The following RBFOX1 variants were observed in gnomAD, a reference collection of about 807,000 sequenced individuals.
The protein encoded by RBFOX1 is RNA binding protein fox-1 homolog 1.
A neutral mutation model predicts 57.7 loss-of-function variants in RBFOX1; 8 were observed. The observed-to-expected ratio is 0.14, with a 90% CI of 0.08 to 0.25. The LOEUF is 0.25. Among genes scored for constraint, RBFOX1 ranks in the 10% least tolerant of loss-of-function variants. RBFOX1 has a pLI of 1.00. For synonymous variants in RBFOX1, 326 were observed against 222.4 expected, an observed-to-expected ratio of 1.47 and a Z score of -4.15; for missense variants, 611 against 548.5, an observed-to-expected ratio of 1.11 and a Z score of -1.14.
At chr16:6,152,043 T>G (rs183990415) in intron 1 of RBFOX1, among the ~76,000 whole-genome samples, 116 of 152,356 alleles carry the variant, frequency 7.6e-4, no homozygotes, top group African/African-American at 2.6e-3. Flanking sequence ...CACACTTGTT[T>G]AAATTTGTAA....
chr16:5,759,863 A>G (rs964817433), intron 3 of RBFOX1, among the ~76,000 whole-genome samples: 1 of 152,012 alleles, frequency 6.6e-6, no homozygotes, highest in South Asian at 2.1e-4. Flanking sequence ...CTTCTTGGAC[A>G]TCTTGATCAA....
At chr16:5,518,992 C>G (rs565160307) in intron 2 of RBFOX1, among the ~76,000 whole-genome samples, 53 of 152,230 alleles carry the variant, frequency 3.5e-4, no homozygotes, top group African/African-American at 1.2e-3. Context: ...TCCATCCTGA[C>G]TGCTGCTGTT....
intron 3 of RBFOX1, among the ~76,000 whole-genome samples, chr16:5,671,186 T>A: frequency 6.6e-6 from 1 of 152,234 alleles, no homozygotes; most frequent in East Asian, 1.9e-4. Flanking sequence ...TAACTTAAGC[T>A]AGGAGGTTTT....
chr16:5,735,229 C>T (rs186200957), intron 3 of RBFOX1, among the ~76,000 whole-genome samples: 7 of 152,272 alleles, frequency 4.6e-5, no homozygotes, highest in African/African-American at 7.2e-5. Flanking sequence ...AGGAAGGGGT[C>T]AGGACCCTCC....
intron 4 of RBFOX1, among the ~76,000 whole-genome samples, chr16:7,079,289 A>T: frequency 6.6e-6 from 1 of 152,062 alleles, no homozygotes; most frequent in Non-Finnish European, 1.5e-5. Flanking sequence ...TTGCAAACTG[A>T]GGGTTGGGCA....
chr16:7,009,422 C>T (rs1483458046), intron 3 of RBFOX1, among the ~76,000 whole-genome samples: 2 of 151,716 alleles, frequency 1.3e-5, no homozygotes, highest in African/African-American at 4.8e-5. Flanking sequence ...ATCCACAGGC[C>T]TTGCAAGAAA....
chr16:6,328,334 C>T (rs1033260292), intron 2 of RBFOX1, among the ~76,000 whole-genome samples: 1 of 152,086 alleles, frequency 6.6e-6, no homozygotes, highest in African/African-American at 2.4e-5. Flanking sequence ...TCAGTGTATA[C>T]TCCTCGGGTG....
chr16:6,869,184 T>C (rs2060447618), intron 3 of RBFOX1, among the ~76,000 whole-genome samples: 1 of 152,196 alleles, frequency 6.6e-6, no homozygotes, highest in Non-Finnish European at 1.5e-5. Context: ...CTTTGCACGC[T>C]CATCTCTTCC....
At chr16:7,574,445 C>T (rs1450150121) in intron 5 of RBFOX1, among the ~76,000 whole-genome samples, 2 of 152,078 alleles carry the variant, frequency 1.3e-5, no homozygotes, top group African/African-American at 4.8e-5. Context: ...CAGGCTGGGT[C>T]CCAAAACCTC....
At position 6,721,311 on chromosome 16, in the gene RBFOX1, C is replaced by T. The variant is rs772322580; in HGVS notation, c.-16+66661C>T. 7.2e-5 allele frequency among the ~76,000 whole-genome samples: 11 copies of T among 152,062 alleles called. 1 individual carries two copies. The highest frequency in any genetic ancestry group is 3.4e-3 in the Middle Eastern group (1 of 294). On this transcript the variant is annotated intron_variant, in intron 3 of 15. Transcript: ENST00000550418. ...TACAAAAATTAGCTGGGCATGGTGG[C>T]GGGTGCCTGTAATCCCAACTACTTG... is the stretch of plus-strand genomic sequence containing the variant.
chr16:6,880,270 G>GA lies in RBFOX1; in HGVS notation c.-15-171780dup, dbSNP rs1156430233. ...GGGAAAGAGCAGAGTTAACCTTGGG[G>GA]AAAAAAATGAGACATAAGGTTGGCT... is the stretch of plus-strand genomic sequence containing the variant. On this transcript the variant is annotated intron_variant, in intron 3 of 15. Coordinates refer to ENST00000550418, the MANE Select transcript of RBFOX1 (RefSeq NM_018723.4). Among the ~76,000 whole-genome samples, 8 of 152,226 alleles carry GA rather than the reference G, an allele frequency of 5.3e-5. No homozygotes were observed. In the East Asian group the frequency reaches 9.7e-4, roughly 18 times the overall value.
intron 2 of RBFOX1, among the ~76,000 whole-genome samples, chr16:6,402,770 C>T (rs767522017): frequency 6.6e-6 from 1 of 152,116 alleles, no homozygotes; most frequent in Non-Finnish European, 1.5e-5. Context: ...ATTATTACTT[C>T]TTTCTTGGGT....
At chr16:6,492,701 C>T (rs1012299243) in intron 2 of RBFOX1, among the ~76,000 whole-genome samples, 15 of 152,192 alleles carry the variant, frequency 9.9e-5, no homozygotes, top group African/African-American at 2.7e-4. Flanking sequence ...TGTGAACAGT[C>T]AGAAGGAAAC....
chr16:7,215,107 G>C (rs1032105299), intron 4 of RBFOX1, among the ~76,000 whole-genome samples: 1 of 152,038 alleles, frequency 6.6e-6, no homozygotes, highest in Non-Finnish European at 1.5e-5. Flanking sequence ...GCCTCCCTAC[G>C]TCCATGTGTT....
intron 1 of RBFOX1, among the ~76,000 whole-genome samples, chr16:6,029,347 T>G (rs2152383034): frequency 6.6e-6 from 1 of 152,336 alleles, no homozygotes; most frequent in Non-Finnish European, 1.5e-5. Context: ...TTCGCTGGTG[T>G]CAGTTTATAA....
In RBFOX1 at chr16:7,224,623, T is replaced by C. The variant is rs558766247; in HGVS notation, c.27+172525T>C. Among the ~76,000 whole-genome samples the C allele has an allele frequency of 2.0e-5, 3 of 152,176 alleles. No individual in the cohort carries two copies. The South Asian group carries it at 6.2e-4, about 32-fold the overall frequency. ...TGTAGTGGGGTGGGTTAGGGGGAGGTAATGTCTCCAAATGGAAATGTCTTT... is the reference window on the plus strand; with the variant it reads ...TGTAGTGGGGTGGGTTAGGGGGAGGCAATGTCTCCAAATGGAAATGTCTTT... On this transcript the variant is annotated intron_variant, in intron 4 of 15. Coordinates refer to ENST00000550418, the MANE Select transcript of RBFOX1 (RefSeq NM_018723.4).
chr16:6,785,703 T>A (rs1187362360), intron 3 of RBFOX1, among the ~76,000 whole-genome samples: 1 of 152,220 alleles, frequency 6.6e-6, no homozygotes, highest in Non-Finnish European at 1.5e-5. Context: ...TTACAGCCAC[T>A]GTCCAGTTTA....
In RBFOX1 at chr16:5,774,637, C is replaced by G. The variant is rs891365275; in HGVS notation, c.319-92666C>G. 1.2e-4 allele frequency among the ~76,000 whole-genome samples: 18 copies of G among 152,136 alleles called. 1 individual carries two copies. Among genetic ancestry groups the G allele is most frequent in the Admixed American group, 9.8e-4 (15 of 15,264 alleles). The stretch of plus-strand genomic sequence containing the variant: ...ACATGGTGTCTACTGTGTAACAGGG[C>G]TTTGGGATACCAGCAGCATTTCCTT... On this transcript the variant is annotated intron_variant, in intron 3 of 19. Transcript: ENST00000641259.
chr16:6,939,223 T>TA (rs1201753309), intron 3 of RBFOX1, among the ~76,000 whole-genome samples: 2 of 152,136 alleles, frequency 1.3e-5, no homozygotes, highest in African/African-American at 4.8e-5. Flanking sequence ...ATTTGATATA[T>TA]AAAAACCATA....
Sources: gnomAD v4.1 joint callset for allele counts (sites outside exome capture counted in the v4.1 genomes callset) on GRCh38, gnomAD v4.1.1 for gene constraint, MANE v1.5 for transcripts, NCBI Gene and HGNC (gene_info 2026-07-23, HGNC 2026-07-21) for gene names.